SMIM14: variants seen among roughly 807,000 people sequenced by gnomAD.
The protein encoded by SMIM14 is chromosome 4 open reading frame 34.
SMIM14 carries 5 observed loss-of-function variants against 12.6 expected under a neutral mutation model. That is an observed-to-expected ratio of 0.40 (90% CI 0.21 to 0.83). The LOEUF (loss-of-function observed/expected upper bound fraction) is 0.83. Among genes scored for constraint, SMIM14 ranks in the 40% least tolerant of loss-of-function variants. The probability of loss-of-function intolerance (pLI) is 0.37; values close to 1 mark genes in which losing one functional copy is unlikely to be tolerated. For synonymous variants in SMIM14, 30 were observed against 40.1 expected (o/e 0.75, Z 0.95); for missense variants, 86 against 119.1 (o/e 0.72, Z 1.29).
rs146580157 is a variant in SMIM14 at position 39,557,745 on chromosome 4, G to A, written c.125-1175C>T. Among the ~76,000 whole-genome samples, 746 of 152,236 alleles carry A rather than the reference G, an allele frequency of 4.9e-3. 11 individuals are homozygous for A. The highest frequency in any genetic ancestry group is 0.017 in the African/African-American group (690 of 41,530). ...AACCCACAAAGCCACGAATCCATAT[G>A]AATCCAAGTTAAGACCACAGAAAAA... is the stretch of plus-strand genomic sequence containing the variant. On this transcript the variant is annotated intron_variant, in intron 3 of 4. Transcript: ENST00000295958.
intron 1 of SMIM14, among the ~76,000 whole-genome samples, chr4:39,623,002 C>T (rs919091346): frequency 1.3e-5 from 2 of 152,112 alleles, no homozygotes; most frequent in African/African-American, 4.8e-5. Context: ...TAAGAGATAC[C>T]AATCCTGATT....
intron 2 of SMIM14, among the ~76,000 whole-genome samples, chr4:39,586,837 C>T (rs980932887): frequency 1.3e-5 from 2 of 152,014 alleles, no homozygotes; most frequent in Admixed American, 6.6e-5. Flanking sequence ...TTATTTCTGA[C>T]AACTATGAAG....
intron 2 of SMIM14, among the ~76,000 whole-genome samples, chr4:39,575,466 G>A (rs1029592488): frequency 1.3e-5 from 2 of 151,988 alleles, no homozygotes; most frequent in African/African-American, 4.8e-5. Flanking sequence ...AAAGTGTTGC[G>A]ATTACAAACA....
intron 3 of SMIM14, among the ~76,000 whole-genome samples, chr4:39,562,524 TGTCTCCCA>T (rs768664877): frequency 2.6e-5 from 4 of 152,206 alleles, no homozygotes; most frequent in Non-Finnish European, 5.9e-5. Context: ...TGTCTCACTC[TGTCTCCCA>T]GGCTGGAGTG....
intron 1 of SMIM14, chr4:39,611,940 T>C (rs754843403): frequency 1.5e-4 from 23 of 152,040 alleles, no homozygotes; most frequent in Non-Finnish European, 2.8e-4. Context: ...AACCTTTCCA[T>C]CTAATATCCT....
intron 2 of SMIM14, among the ~76,000 whole-genome samples, chr4:39,592,434 T>C (rs1414699398): frequency 6.6e-6 from 1 of 151,938 alleles, no homozygotes; most frequent in Non-Finnish European, 1.5e-5. Context: ...ATATAACCAG[T>C]GATGAGGCAG....
In SMIM14 at chr4:39,586,008, G is replaced by A. The variant is rs559948376; in HGVS notation, c.76-13545C>T. 6.5e-4 allele frequency among the ~76,000 whole-genome samples: 99 copies of A among 152,060 alleles called. No individual in the cohort carries two copies. The South Asian group carries it at 0.019, about 29-fold the overall frequency. On this transcript the variant is annotated intron_variant, in intron 2 of 4. Coordinates refer to ENST00000295958, the MANE Select transcript of SMIM14 (RefSeq NM_174921.3). ...TTGTCCTGTAAAATAAAAGAACTCCGACCTCTATTTCTCCTTCATTCCATC... is the reference window on the plus strand; with the variant it reads ...TTGTCCTGTAAAATAAAAGAACTCCAACCTCTATTTCTCCTTCATTCCATC...
chr4:39,638,416 T>C (rs544088110), intron 1 of SMIM14: 10 of 962,230 alleles, frequency 1.0e-5, no homozygotes, highest in East Asian at 1.2e-4. Flanking sequence ...TTTTACTCCA[T>C]GATACGCCTC....
chr4:39,570,483 T>G (rs1046708941), intron 3 of SMIM14, among the ~76,000 whole-genome samples: 21 of 152,206 alleles, frequency 1.4e-4, no homozygotes, highest in Non-Finnish European at 2.8e-4. Flanking sequence ...ACAGGGTGTC[T>G]CAGCAAAGAA....
chr4:39,571,114 C>G (rs186637277), intron 3 of SMIM14, among the ~76,000 whole-genome samples: 1 of 152,242 alleles, frequency 6.6e-6, no homozygotes, highest in Non-Finnish European at 1.5e-5. Flanking sequence ...ATGCAATATT[C>G]ATCTTCCTAC....
chr4:39,550,320 T>C lies in SMIM14; in HGVS notation c.*1806A>G, dbSNP rs971380190. ...TATTTTGAGACAGAGTCTCGCTCTG[T>C]CGCCCTGATTGGAGTGCAGTGGCAC... On this transcript the variant is annotated 3_prime_UTR_variant, in exon 5 of 5. Coordinates refer to ENST00000295958, the MANE Select transcript of SMIM14 (RefSeq NM_174921.3). 6.6e-6 allele frequency: 1 copy of C among 152,244 alleles called. No homozygotes were observed. The highest frequency in any genetic ancestry group is 1.5e-5 in the Non-Finnish European group (1 of 68,044). The allele number at this position is 152,244 out of a possible 1,614,324, so 9.4% of individuals were successfully genotyped here.
intron 1 of SMIM14, chr4:39,638,363 G>T: frequency 1.5e-6 from 1 of 652,124 alleles, no homozygotes; most frequent in Non-Finnish European, 1.9e-6. Context: ...AGATAGTGTG[G>T]ATTTCAGGAT....
chr4:39,569,604 G>C (rs1458811315), intron 3 of SMIM14, among the ~76,000 whole-genome samples: 1 of 152,086 alleles, frequency 6.6e-6, no homozygotes, highest in Non-Finnish European at 1.5e-5. Context: ...AGGCACGGTG[G>C]CTCATGCCTG....
chr4:39,570,314 C>T (rs1268003462), intron 3 of SMIM14, among the ~76,000 whole-genome samples: 3 of 152,116 alleles, frequency 2.0e-5, no homozygotes, highest in Non-Finnish European at 4.4e-5. Flanking sequence ...GCACGTGCCA[C>T]CACGCCCAGC....
At chr4:39,603,237 A>C (rs1279543986) in intron 2 of SMIM14, among the ~76,000 whole-genome samples, 1 of 152,200 alleles carries the variant, frequency 6.6e-6, no homozygotes, top group African/African-American at 2.4e-5. Flanking sequence ...ATAATGGTCA[A>C]ATTTTTCCTT....
At chr4:39,589,199 G>A (rs1003467187) in intron 2 of SMIM14, among the ~76,000 whole-genome samples, 5 of 152,150 alleles carry the variant, frequency 3.3e-5, no homozygotes, top group African/African-American at 1.2e-4. Context: ...CAATTTTCCT[G>A]CCTCAGCCTC....
chr4:39,587,075 A>T (rs1713817598), intron 2 of SMIM14, among the ~76,000 whole-genome samples: 1 of 152,030 alleles, frequency 6.6e-6, no homozygotes, highest in Non-Finnish European at 1.5e-5. Context: ...ATTGGGGATT[A>T]GGGAATTCAA....
chr4:39,621,847 CTT>C (rs34194983), intron 1 of SMIM14, among the ~76,000 whole-genome samples: 5 of 141,844 alleles, frequency 3.5e-5, no homozygotes, highest in Non-Finnish European at 6.2e-5. Context: ...TCATGCTTGG[CTT>C]TTTTTTTTTT....
intron 2 of SMIM14, among the ~76,000 whole-genome samples, chr4:39,584,793 CAAAAAAAAAAA>C (rs34970724): frequency 1.3e-5 from 1 of 76,310 alleles, no homozygotes; most frequent in Non-Finnish European, 2.5e-5. Context: ...AGGACCTTGT[CAAAAAAAAAAA>C]AAAAAAAGAA....
Sources: gnomAD v4.1 joint callset for allele counts (sites outside exome capture counted in the v4.1 genomes callset) on GRCh38, gnomAD v4.1.1 for gene constraint, MANE v1.5 for transcripts, NCBI Gene and HGNC (gene_info 2026-07-23, HGNC 2026-07-21) for gene names.